ITPR2: variants seen among roughly 807,000 people sequenced by gnomAD.
ITPR2 encodes inositol 1,4,5-trisphosphate-gated calcium channel ITPR2.
Under a neutral mutation model 317.1 loss-of-function variants are expected in ITPR2, and 207 were observed. That is an observed-to-expected ratio of 0.65 (90% CI 0.58 to 0.73). ITPR2 has a LOEUF of 0.73. Among genes scored for constraint, ITPR2 ranks in the 30% least tolerant of loss-of-function variants. The pLI is 0.00. For synonymous variants in ITPR2, 1,156 were observed against 1,149.1 expected (o/e 1.01, Z -0.12); for missense variants, 2,613 against 3,284.0 (o/e 0.80, Z 4.99).
chr12:26,507,569 G>T (rs971633957), intron 37 of ITPR2, among the ~76,000 whole-genome samples: 1 of 152,174 alleles, frequency 6.6e-6, no homozygotes, highest in South Asian at 2.1e-4. Context: ...AAGCATAGCC[G>T]CTTGGTAGTA....
At chr12:26,355,827 T>C (rs141428076) in intron 55 of ITPR2, among the ~76,000 whole-genome samples, 6 of 152,320 alleles carry the variant, frequency 3.9e-5, no homozygotes, top group Non-Finnish European at 5.9e-5. Flanking sequence ...GTTAAAGATC[T>C]TGAATGGCTT....
intron 45 of ITPR2, among the ~76,000 whole-genome samples, chr12:26,473,146 C>G (rs149717449): frequency 0.039 from 5,902 of 152,290 alleles, 128 homozygotes; most frequent in Middle Eastern, 0.11. Context: ...CTCAGCCTCC[C>G]AAAGTCTTGG....
At chr12:26,533,696 T>C (rs1235733943) in intron 37 of ITPR2, among the ~76,000 whole-genome samples, 3 of 152,012 alleles carry the variant, frequency 2.0e-5, no homozygotes, top group Non-Finnish European at 4.4e-5. Flanking sequence ...GAAAATAATA[T>C]GAAGACACAA....
intron 34 of ITPR2, among the ~76,000 whole-genome samples, chr12:26,575,241 G>A (rs1365479480): frequency 6.7e-6 from 1 of 149,592 alleles, no homozygotes; most frequent in Non-Finnish European, 1.5e-5. Flanking sequence ...AAGGGATGTT[G>A]CTGAAGGTTG....
At chr12:26,722,603 T>C (rs1319146884) in intron 4 of ITPR2, 48 bp from the exon 5 acceptor site, 1 of 1,373,992 alleles carries the variant, frequency 7.3e-7, no homozygotes, top group South Asian at 1.3e-5. Flanking sequence ...TGTTCTCCTC[T>C]GTTAATTACA....
In ITPR2 at chr12:26,682,619, AG is replaced by A. The variant is rs1948055949; in HGVS notation, c.1202del (p.Thr401IlefsTer5). The part of the protein sequence containing the change: ...HLCTNTWVTS[T>X]SIPIDTDEER... ...CTTCATCTGTGTCTATGGGGATACT[AG>A]TACTGGTTACCCATGTGTTGGTGCA... On this transcript the variant is annotated frameshift_variant, in exon 12 of 57. Transcript: ENST00000381340. LOFTEE classifies it high-confidence loss of function. 1 of 1,612,988 alleles carries A rather than the reference AG, an allele frequency of 6.2e-7. No individual in the cohort carries two copies. The highest frequency in any genetic ancestry group is 1.1e-5 in the South Asian group (1 of 91,026).
chr12:26,530,442 G>A (rs1439487750), intron 37 of ITPR2, among the ~76,000 whole-genome samples: 2 of 152,186 alleles, frequency 1.3e-5, no homozygotes, highest in Non-Finnish European at 2.9e-5. Context: ...ACTGTTCACT[G>A]AGGATCATAT....
intron 32 of ITPR2, among the ~76,000 whole-genome samples, chr12:26,587,529 G>C (rs1194039537): frequency 6.6e-6 from 1 of 152,148 alleles, no homozygotes; most frequent in African/African-American, 2.4e-5. Context: ...TGGCATACCT[G>C]AGGAGTAGCA....
intron 15 of ITPR2, among the ~76,000 whole-genome samples, chr12:26,662,129 A>G (rs891777876): frequency 6.6e-6 from 1 of 152,084 alleles, no homozygotes; most frequent in African/African-American, 2.4e-5. Context: ...CTCTTTTCAG[A>G]CCTTTCTTAC....
chr12:26,405,542 T>C (rs947156158), intron 52 of ITPR2, among the ~76,000 whole-genome samples: 2 of 152,250 alleles, frequency 1.3e-5, no homozygotes, highest in East Asian at 1.9e-4. Context: ...TCTGAAATAG[T>C]TCCCTCTAAT....
At chr12:26,518,533 AG>A (rs144752371) in intron 37 of ITPR2, among the ~76,000 whole-genome samples, 2,236 of 143,072 alleles carry the variant, frequency 0.016, 56 homozygotes, top group African/African-American at 0.053. Context: ...TTGTCGGGGA[AG>A]GGGGGGCGGG....
intron 37 of ITPR2, among the ~76,000 whole-genome samples, chr12:26,535,254 T>A (rs532012688): frequency 6.6e-6 from 1 of 152,250 alleles, no homozygotes; most frequent in African/African-American, 2.4e-5. Flanking sequence ...TTAAAATAAA[T>A]CAGGAACTAC....
At chr12:26,436,881 A>C (rs1211693813) in intron 47 of ITPR2, among the ~76,000 whole-genome samples, 2 of 152,248 alleles carry the variant, frequency 1.3e-5, no homozygotes, top group African/African-American at 2.4e-5. Context: ...ATGGGGAACT[A>C]GTGATTTATA....
intron 43 of ITPR2, among the ~76,000 whole-genome samples, chr12:26,479,145 A>G (rs1046460917): frequency 0.12 from 381 of 3,184 alleles, 2 homozygotes; most frequent in Non-Finnish European, 0.25. Flanking sequence ...ATTCACTAAG[A>G]AAAAAAAAAA....
At chr12:26,453,720 T>C (rs1941800645) in intron 45 of ITPR2, among the ~76,000 whole-genome samples, 1 of 152,246 alleles carries the variant, frequency 6.6e-6, no homozygotes, top group African/African-American at 2.4e-5. Context: ...CTTGAGTTGC[T>C]TCTTCCAGCA....
intron 55 of ITPR2, among the ~76,000 whole-genome samples, chr12:26,376,299 T>C (rs1939340972): frequency 6.6e-6 from 1 of 152,220 alleles, no homozygotes; most frequent in South Asian, 2.1e-4. Flanking sequence ...TTAGGCACTA[T>C]AAGCCAAACT....
chr12:26,567,980 A>ATATATATATATATTATATATAT (rs1383861270), intron 34 of ITPR2, among the ~76,000 whole-genome samples: 117 of 7,598 alleles, frequency 0.015, 5 homozygotes, highest in Non-Finnish European at 0.029. Flanking sequence ...TATATATATT[A>ATATATATATATATTATATATAT]TATATATATA....
chr12:26,628,916 G>C (rs1211763775), intron 22 of ITPR2, among the ~76,000 whole-genome samples: 1 of 152,196 alleles, frequency 6.6e-6, no homozygotes, highest in Non-Finnish European at 1.5e-5. Flanking sequence ...AAAAAGCTGG[G>C]ATGTGCTGCA....
intron 55 of ITPR2, among the ~76,000 whole-genome samples, chr12:26,341,149 C>A (rs1938099965): frequency 6.6e-6 from 1 of 152,158 alleles, no homozygotes; most frequent in Non-Finnish European, 1.5e-5. Flanking sequence ...ATGTGGTCCC[C>A]ATTTTACAGA....
Sources: gnomAD v4.1 joint callset for allele counts (sites outside exome capture counted in the v4.1 genomes callset) on GRCh38, gnomAD v4.1.1 for gene constraint, MANE v1.5 for transcripts, NCBI Gene and HGNC (gene_info 2026-07-23, HGNC 2026-07-21) for gene names.